Variants in CLPSL1 observed in about 807,000 individuals in gnomAD.
CLPSL1 encodes colipase-like protein 1.
In CLPSL1, 13 loss-of-function variants were observed where a neutral mutation model predicts 9.3. The ratio of observed to expected loss-of-function variants is 1.40; its 90% confidence interval spans 0.91 to 2.22. The LOEUF is 2.22. CLPSL1 is among the 30% of genes most tolerant of loss of function. CLPSL1 has a pLI of 0.00. For missense variants in CLPSL1, 164 were observed against 146.6 expected, an observed-to-expected ratio of 1.12 and a Z score of -0.61; for synonymous variants, 58 against 56.9, an observed-to-expected ratio of 1.02 and a Z score of -0.08.
intron 1 of CLPSL1, among the ~76,000 whole-genome samples, chr6:35,786,655 G>C (rs1181243621): frequency 6.6e-6 from 1 of 152,224 alleles, no homozygotes; most frequent in Admixed American, 6.5e-5. Context: ...TCAGGCACAG[G>C]TGAAAGGGTG....
Position 35,788,001 on chromosome 6 carries a change from GTTC to G in CLPSL1, c.362_364del (p.Phe121del), listed in dbSNP as rs781251734. ...GAAGGCAGAAGTTGGCTAAGAAAAT[GTTC>G]TTCTAGTGCTCCCTCCTTCTTGCTG... On this transcript the variant is annotated inframe_deletion, in exon 3 of 3. Transcript: ENST00000373861. The G allele has an allele frequency of 3.7e-6, 6 of 1,611,244 alleles. No homozygotes were observed. Among genetic ancestry groups the G allele is most frequent in the African/African-American group, 1.3e-5 (1 of 74,822 alleles).
chr6:35,785,263 C>T (rs1486808842), intron 1 of CLPSL1, among the ~76,000 whole-genome samples: 1 of 150,586 alleles, frequency 6.6e-6, no homozygotes, highest in Non-Finnish European at 1.5e-5. Flanking sequence ...CTGCAAGCTC[C>T]ACCTCCCGGG....
At chr6:35,785,271 G>A (rs746319199) in intron 1 of CLPSL1, among the ~76,000 whole-genome samples, 2 of 144,928 alleles carry the variant, frequency 1.4e-5, no homozygotes, top group Non-Finnish European at 3.0e-5. Flanking sequence ...TCCACCTCCC[G>A]GGTTCACGCC....
At chr6:35,788,603 CG>C (rs1768135493), downstream of CLPSL1, among the ~76,000 whole-genome samples, 2 of 152,208 alleles carry the variant, frequency 1.3e-5, no homozygotes, top group Admixed American at 1.3e-4. Flanking sequence ...GGTAGGGAAA[CG>C]GGTTGAGCAA....
downstream of CLPSL1, chr6:35,793,689 T>C (rs1270019320): frequency 2.3e-6 from 1 of 437,334 alleles, no homozygotes; most frequent in African/African-American, 2.0e-5. Flanking sequence ...CTTGGGTTTT[T>C]CTGCTACTCA....
At chr6:35,790,940 A>G (rs1768173470), downstream of CLPSL1, among the ~76,000 whole-genome samples, 1 of 152,084 alleles carries the variant, frequency 6.6e-6, no homozygotes, top group African/African-American at 2.4e-5. Flanking sequence ...GCTACTTAGG[A>G]GGCTGAGGCA....
At chr6:35,791,154 T>C (rs1241448157), downstream of CLPSL1, among the ~76,000 whole-genome samples, 1 of 152,232 alleles carries the variant, frequency 6.6e-6, no homozygotes, top group African/African-American at 2.4e-5. Context: ...TCACAAGCCA[T>C]GGGGATTCCG....
chr6:35,791,913 C>CAAAT (rs58568700), downstream of CLPSL1, among the ~76,000 whole-genome samples: 38,935 of 145,978 alleles, frequency 0.27, 2,130 homozygotes, highest in African/African-American at 0.42. Flanking sequence ...ACTAAAAATA[C>CAAAT]AAATAAATAA....
At chr6:35,792,067 C>G (rs1410890492), downstream of CLPSL1, among the ~76,000 whole-genome samples, 1 of 148,840 alleles carries the variant, frequency 6.7e-6, no homozygotes, top group African/African-American at 2.4e-5. Flanking sequence ...CTCTGGGCAA[C>G]AGAGACAGAC....
At chr6:35,787,196 G>A (rs1768100173) in intron 2 of CLPSL1, 76 bp downstream of exon 2, 1 of 1,519,736 alleles carries the variant, frequency 6.6e-7, no homozygotes, top group African/African-American at 1.4e-5. Context: ...GATTCCTGGG[G>A]AGGAAAGAAG....
At chr6:35,788,851 G>A (rs1432457574), downstream of CLPSL1, among the ~76,000 whole-genome samples, 5 of 152,386 alleles carry the variant, frequency 3.3e-5, no homozygotes, top group Non-Finnish European at 5.9e-5. Context: ...TCGCTTGTCT[G>A]TGAGTAGTGC....
chr6:35,791,121 T>C (rs1412173285), downstream of CLPSL1, among the ~76,000 whole-genome samples: 4 of 152,296 alleles, frequency 2.6e-5, no homozygotes, highest in African/African-American at 9.6e-5. Context: ...TTTTTATGCT[T>C]CAGTGGCATT....
At chr6:35,781,277 TG>T in intron 1 of CLPSL1, 68 bp downstream of exon 1, 1 of 1,569,976 alleles carries the variant, frequency 6.4e-7, no homozygotes, top group South Asian at 1.2e-5. Context: ...TTTGGGGAGG[TG>T]AGCGGGCATG....
downstream of CLPSL1, among the ~76,000 whole-genome samples, chr6:35,791,973 C>A (rs1236003009): frequency 6.6e-6 from 1 of 151,502 alleles, no homozygotes; most frequent in African/African-American, 2.4e-5. Context: ...GTAGTCCCAG[C>A]TACTCGGGAG....
intron 1 of CLPSL1, among the ~76,000 whole-genome samples, chr6:35,786,599 T>C (rs1221035656): frequency 1.3e-5 from 2 of 152,060 alleles, no homozygotes; most frequent in African/African-American, 4.8e-5. Flanking sequence ...TGGAGGTCAT[T>C]GATGTGTGTA....
intron 1 of CLPSL1, 91 bp from the exon 2 acceptor site, chr6:35,786,907 G>A (rs1319353609): frequency 6.9e-7 from 1 of 1,459,720 alleles, no homozygotes; most frequent in Non-Finnish European, 9.3e-7. Flanking sequence ...CAGAGTCTGG[G>A]GAGGAGCCCC....
intron 2 of CLPSL1, among the ~76,000 whole-genome samples, chr6:35,787,603 G>A (rs1460807879): frequency 6.6e-6 from 1 of 152,260 alleles, no homozygotes; most frequent in Non-Finnish European, 1.5e-5. Context: ...GTCCTGCGAT[G>A]GTGTGTCCAT....
At chr6:35,793,558 A>G (rs1273786956) in exon 2 of CLPSL1, 2 of 471,720 alleles carry the variant, frequency 4.2e-6, no homozygotes, top group African/African-American at 2.0e-5. Context: ...CTGCTAAGGC[A>G]TGTGGCAACC....
chr6:35,793,580 G>C (rs752519102), exon 2 of CLPSL1: 1 of 471,288 alleles, frequency 2.1e-6, no homozygotes, highest in South Asian at 1.6e-5. Context: ...TGAAGAGAAG[G>C]TCAAGAGCTA....
Sources: gnomAD v4.1 joint callset for allele counts (sites outside exome capture counted in the v4.1 genomes callset) on GRCh38, gnomAD v4.1.1 for gene constraint, MANE v1.5 for transcripts, NCBI Gene and HGNC (gene_info 2026-07-23, HGNC 2026-07-21) for gene names.